Variants in RPP14 observed in about 807,000 individuals in gnomAD.
RPP14 encodes the protein ribonuclease P protein subunit p14.
In RPP14, 19 loss-of-function variants were observed where a neutral mutation model predicts 17.8. That is an observed-to-expected ratio of 1.07 (90% CI 0.74 to 1.57). RPP14 has a LOEUF of 1.57. Ranked by LOEUF, RPP14 falls within the 40% of genes most tolerant of loss-of-function variation. The pLI, the probability that RPP14 is intolerant of heterozygous loss-of-function variation, is 0.00. For missense variants in RPP14, 125 were observed against 140.8 expected, an observed-to-expected ratio of 0.89 and a Z score of 0.57; for synonymous variants, 60 against 56.4, an observed-to-expected ratio of 1.06 and a Z score of -0.29.
At chr3:58,310,483 T>C (rs755182348) in intron 2 of RPP14, 24 bp from the exon 3 acceptor site, 2 of 312,856 alleles carry the variant, frequency 6.4e-6, no homozygotes, top group Non-Finnish European at 8.5e-6. Context: ...TTAATATGAC[T>C]TTTTTTTTTT....
rs1298664766 is a variant in RPP14, at chr3:58,317,579, C to A, written c.*83C>A. 2 of 925,120 alleles carry A rather than the reference C, an allele frequency of 2.2e-6. No homozygotes were observed. The highest frequency in any genetic ancestry group is 1.7e-6 in the Non-Finnish European group (1 of 571,928). 57.3% of individuals were successfully genotyped at this position (925,120 alleles called of 1,614,324 possible). ...CTGCATGTTTGAAGACTGAAGCAGGCTAAAAGCTCTTGATGAAATTTGAGG... is the reference window on the plus strand; with the variant it reads ...CTGCATGTTTGAAGACTGAAGCAGGATAAAAGCTCTTGATGAAATTTGAGG... On this transcript the variant is annotated 3_prime_UTR_variant, in exon 6 of 6. Coordinates refer to ENST00000295959, the MANE Select transcript of RPP14 (RefSeq NM_007042.6).
At position 58,320,011 on chromosome 3, in the gene RPP14, G is replaced by A. The variant is rs140629180; in HGVS notation, c.*2515G>A. On this transcript the variant is annotated 3_prime_UTR_variant, in exon 6 of 6. Coordinates refer to ENST00000295959, the MANE Select transcript of RPP14 (RefSeq NM_007042.6). ...CTCCTCCAGTCTTTGGGAATCACCA[G>A]TCTACTTTCTGTCTCTATGGGTTTC... 6.6e-6 allele frequency: 1 copy of A among 152,070 alleles called. No individual in the cohort carries two copies. Among genetic ancestry groups the A allele is most frequent in the Non-Finnish European group, 1.5e-5 (1 of 68,014 alleles). The allele number at this position is 152,070 out of a possible 1,614,324, so 9.4% of individuals were successfully genotyped here.
Position 58,310,598 on chromosome 3 carries a change from A to T in RPP14, c.162+7A>T. On this transcript the variant is annotated splice_region_variant and intron_variant, in intron 3 of 5. Coordinates refer to ENST00000295959, the MANE Select transcript of RPP14 (RefSeq NM_007042.6). ...GAAGGACCTGTTTGGGGAGGTATGG[A>T]ATCACTTGGTAGATTGAACATTCCA... 2 of 1,607,668 alleles carry T rather than the reference A, an allele frequency of 1.2e-6. No homozygotes were observed. The highest frequency in any genetic ancestry group is 1.7e-4 in the Middle Eastern group (1 of 6,008).
chr3:58,312,214 C>T (rs960687397), intron 3 of RPP14, among the ~76,000 whole-genome samples: 36 of 152,244 alleles, frequency 2.4e-4, no homozygotes, highest in African/African-American at 8.4e-4. Flanking sequence ...CATTTACATT[C>T]CTCCCAGTAG....
chr3:58,316,909 C>T lies in RPP14; in HGVS notation c.240-6C>T. 6.2e-7 allele frequency: 1 copy of T among 1,610,330 alleles called. No homozygotes were observed. Among genetic ancestry groups the T allele is most frequent in the Non-Finnish European group, 8.5e-7 (1 of 1,177,532 alleles). ...CACACTATGTATTTTCTTGATCTTT[C>T]TGCAGTGGTCTTGTCAAATTGTGGA... On this transcript the variant is annotated splice_polypyrimidine_tract_variant and splice_region_variant and intron_variant, in intron 4 of 5. Transcript: ENST00000295959.
intron 3 of RPP14, among the ~76,000 whole-genome samples, chr3:58,315,060 G>A (rs2097486862): frequency 1.3e-5 from 2 of 152,076 alleles, no homozygotes; most frequent in African/African-American, 4.8e-5. Flanking sequence ...CTGTTCCAGA[G>A]GACTGAAAAC....
intron 1 of RPP14, chr3:58,310,053 T>G: frequency 2.5e-6 from 1 of 395,506 alleles, no homozygotes; most frequent in Non-Finnish European, 4.6e-6. Flanking sequence ...TACAAAAATC[T>G]GCTGGATGTG....
chr3:58,310,451 A>G, intron 2 of RPP14, 45 bp downstream of exon 2: 1 of 1,602,656 alleles, frequency 6.2e-7, no homozygotes, highest in Non-Finnish European at 8.5e-7. Flanking sequence ...CTTTTCTAAC[A>G]TGAATCTGAA....
chr3:58,316,490 G>A (rs775787086), intron 3 of RPP14, 25 bp from the exon 4 acceptor site: 1 of 1,595,994 alleles, frequency 6.3e-7, no homozygotes. Context: ...AGAATAGCCT[G>A]CTAATAGCAT....
At chr3:58,309,580 G>A (rs1005285069) in intron 1 of RPP14, among the ~76,000 whole-genome samples, 2 of 152,162 alleles carry the variant, frequency 1.3e-5, no homozygotes, top group African/African-American at 2.4e-5. Context: ...ATGAGTTACT[G>A]TGCTCAGAAG....
At chr3:58,311,721 T>C (rs2097482444) in intron 3 of RPP14, among the ~76,000 whole-genome samples, 2 of 152,010 alleles carry the variant, frequency 1.3e-5, no homozygotes, top group African/African-American at 4.8e-5. Context: ...TTTTTTTTTT[T>C]TCCCCACCTT....
In RPP14 at chr3:58,318,090, A is replaced by G; in HGVS notation, c.*594A>G. 1 of 670,004 alleles carries G rather than the reference A, an allele frequency of 1.5e-6. No individual in the cohort carries two copies. The highest frequency in any genetic ancestry group is 2.7e-6 in the Non-Finnish European group (1 of 372,970). The allele number at this position is 670,004 out of a possible 1,614,324, so 41.5% of individuals were successfully genotyped here. ...AGACTGTTATGGAAGGCTGGGTTAAAGTTATGGTTCCAGAAGCTTCCAAAT... is the reference window on the plus strand; with the variant it reads ...AGACTGTTATGGAAGGCTGGGTTAAGGTTATGGTTCCAGAAGCTTCCAAAT... On this transcript the variant is annotated 3_prime_UTR_variant, in exon 6 of 6. Transcript: ENST00000295959.
chr3:58,306,480 G>A (rs1384120571), intron 1 of RPP14, 63 bp downstream of exon 1: 1 of 152,282 alleles, frequency 6.6e-6, no homozygotes, highest in Admixed American at 6.5e-5. Context: ...GCCGCGACCC[G>A]GGCGCATGCG....
At chr3:58,313,258 CAAAA>C (rs1443143733) in intron 3 of RPP14, among the ~76,000 whole-genome samples, 1 of 151,220 alleles carries the variant, frequency 6.6e-6, no homozygotes, top group Non-Finnish European at 1.5e-5. Flanking sequence ...GACTCGGTCT[CAAAA>C]AAAAGGCTCC....
intron 3 of RPP14, among the ~76,000 whole-genome samples, chr3:58,314,466 C>T (rs1166616356): frequency 6.6e-6 from 1 of 152,058 alleles, no homozygotes; most frequent in Admixed American, 6.6e-5. Flanking sequence ...GTGTGGTTGG[C>T]AAAGAAGCAC....
chr3:58,312,334 A>ACCCCCCCCCCCCCCC (rs76719108), intron 3 of RPP14, among the ~76,000 whole-genome samples: 5 of 69,704 alleles, frequency 7.2e-5, no homozygotes, highest in Admixed American at 1.7e-4. Context: ...CAACCTCCGC[A>ACCCCCCCCCCCCCCC]CCCCCCCCCG....
chr3:58,310,955 T>G (rs1161091270), intron 3 of RPP14, among the ~76,000 whole-genome samples: 1 of 108,918 alleles, frequency 9.2e-6, no homozygotes, highest in Non-Finnish European at 1.8e-5. Context: ...AAAGAATGCT[T>G]TTCAAACATC....
chr3:58,317,972 T>TTGGAGAAGTTGTTTTAGCTTC lies in RPP14; in HGVS notation c.*479_*499dup, dbSNP rs2097490166. ...ATTAGCTTTCCAGCCCCTTTATATA[T>TTGGAGAAGTTGTTTTAGCTTC]TGGAGAAGTTGTTTTAGCTTCTGCA... On this transcript the variant is annotated 3_prime_UTR_variant, in exon 6 of 6. Coordinates refer to ENST00000295959, the MANE Select transcript of RPP14 (RefSeq NM_007042.6). The TTGGAGAAGTTGTTTTAGCTTC allele has an allele frequency of 1.4e-6, 1 of 702,896 alleles. No homozygotes were observed. Among genetic ancestry groups the TTGGAGAAGTTGTTTTAGCTTC allele is most frequent in the Non-Finnish European group, 2.6e-6 (1 of 385,018 alleles). The allele number at this position is 702,896 out of a possible 1,614,324, so 43.5% of individuals were successfully genotyped here.
In RPP14 at chr3:58,318,212, A is replaced by G. The variant is rs570436641; in HGVS notation, c.*716A>G. 4.7e-4 allele frequency: 279 copies of G among 593,232 alleles called. No homozygotes were observed. The highest frequency in any genetic ancestry group is 5.3e-4 in the Non-Finnish European group (178 of 337,230). The allele number at this position is 593,232 out of a possible 1,614,324, so 36.7% of individuals were successfully genotyped here. On this transcript the variant is annotated 3_prime_UTR_variant, in exon 6 of 6. Transcript: ENST00000295959. ...TGCTCTTTACCAAAGAATGGTTGAT[A>G]GGCCCAGAAGCCCATCTTAGTTAGG...
Sources: gnomAD v4.1 joint callset for allele counts (sites outside exome capture counted in the v4.1 genomes callset) on GRCh38, gnomAD v4.1.1 for gene constraint, MANE v1.5 for transcripts, NCBI Gene and HGNC (gene_info 2026-07-23, HGNC 2026-07-21) for gene names.